The following ATXN7L2 variants were observed in gnomAD, a reference collection of about 807,000 sequenced individuals.
The protein encoded by ATXN7L2 is ataxin-7-like protein 2.
Under a neutral mutation model 59.6 loss-of-function variants are expected in ATXN7L2, and 17 were observed. The observed-to-expected ratio is 0.29, with a 90% CI of 0.20 to 0.43. The LOEUF (loss-of-function observed/expected upper bound fraction) is 0.43. Ranked by LOEUF, ATXN7L2 falls within the 20% of genes least tolerant of loss-of-function variation. ATXN7L2 has a pLI of 1.00. For missense variants in ATXN7L2, 858 were observed against 1,008.9 expected (o/e 0.85, Z 2.03); for synonymous variants, 378 against 392.5 (o/e 0.96, Z 0.44).
chr1:109,485,234 C>CAGGGAGGGGGCGTCGAGG, intron 1 of ATXN7L2: 1 of 899,158 alleles, frequency 1.1e-6, no homozygotes, highest in Non-Finnish European at 1.3e-6. Context: ...TCCCAAGGGA[C>CAGGGAGGGGGCGTCGAGG]AGGGAGGGGG....
chr1:109,492,188 C>G, intron 10 of ATXN7L2: 1 of 885,882 alleles, frequency 1.1e-6, no homozygotes, highest in Non-Finnish European at 1.4e-6. Flanking sequence ...CACTTATGCA[C>G]ATGTGCCCAC....
chr1:109,490,908 T>G lies in ATXN7L2; in HGVS notation c.1455-14T>G. On this transcript the variant is annotated splice_polypyrimidine_tract_variant and intron_variant, in intron 9 of 10. Coordinates refer to ENST00000683729, the MANE Select transcript of ATXN7L2 (RefSeq NM_001350175.2). ...TTTCTTGGCAGTCACAGTGGGGCTT[T>G]CTTTTTGCTGCAGGAAGATCCCACC... The G allele has an allele frequency of 6.5e-7, 1 of 1,538,968 alleles. No individual in the cohort carries two copies. Among genetic ancestry groups the G allele is most frequent in the Non-Finnish European group, 8.7e-7 (1 of 1,142,894 alleles).
rs1557867874 is a variant in ATXN7L2 at position 109,486,257 on chromosome 1, C to A, written c.193+135C>A. On this transcript the variant is annotated intron_variant, in intron 2 of 10. Transcript: ENST00000683729. The surrounding 1 kb of genome is among the most constrained non-coding windows in gnomAD (Gnocchi z 4.3). Reference sequence around the variant, plus strand: ...CCTCATTTTGATAGGTCCGAGTCGGCCGGTTGTTCTGGCTCCTGTGACCTG... The same window carrying A: ...CCTCATTTTGATAGGTCCGAGTCGGACGGTTGTTCTGGCTCCTGTGACCTG... 31 of 1,359,844 alleles carry A rather than the reference C, an allele frequency of 2.3e-5. No individual in the cohort carries two copies. Among genetic ancestry groups the A allele is most frequent in the Non-Finnish European group, 2.9e-5 (30 of 1,024,702 alleles). 84.2% of individuals were successfully genotyped at this position (1,359,844 alleles called of 1,614,324 possible). A position where few individuals can be genotyped will look rare whatever the true frequency, so the allele number is the denominator to read the frequency against.
In ATXN7L2 at chr1:109,484,002, C is replaced by T. The variant is rs996765106; in HGVS notation, c.49C>T (p.Arg17Trp). 2.2e-6 allele frequency: 3 copies of T among 1,372,426 alleles called. No individual in the cohort carries two copies. Among genetic ancestry groups the T allele is most frequent in the Non-Finnish European group, 2.9e-6 (3 of 1,051,906 alleles). 85.0% of individuals were successfully genotyped at this position (1,372,426 alleles called of 1,614,324 possible). ...AAAAMAALER[R>W]VPSLDDFAGQ... Reference sequence around the variant, plus strand: ...GGCAGCAATGGCCGCTCTGGAGCGGCGGGTGCCGAGTCTCGATGACTTCGC... The same window carrying T: ...GGCAGCAATGGCCGCTCTGGAGCGGTGGGTGCCGAGTCTCGATGACTTCGC... Residue 17 changes from arginine to tryptophan, a missense_variant, in exon 1 of 11, where the codon CGG becomes TGG. By Grantham distance (101) the Arg-to-Trp change is moderately radical. Coordinates refer to ENST00000683729, the MANE Select transcript of ATXN7L2 (RefSeq NM_001350175.2).
At chr1:109,485,584 TAGC>T (rs1656526636) in intron 1 of ATXN7L2, 1 of 985,476 alleles carries the variant, frequency 1.0e-6, no homozygotes, top group Admixed American at 6.1e-5. Context: ...TGCCACATAG[TAGC>T]AGAAAGGACC....
chr1:109,491,311 G>A lies in ATXN7L2; in HGVS notation c.1844G>A (p.Arg615Gln), dbSNP rs1016972776. 4.3e-6 allele frequency: 7 copies of A among 1,614,146 alleles called. No homozygotes were observed. Among genetic ancestry groups the A allele is most frequent in the East Asian group, 2.2e-5 (1 of 44,898 alleles). Residue 615 changes from arginine (R) to glutamine (Q), a missense_variant, in exon 10 of 11, where the codon CGG becomes CAG. By Grantham distance (43) the Arg-to-Gln change is conservative (BLOSUM62 1). This residue lies in a region of ATXN7L2 where 734 missense variants were observed against 862.3 expected (regional missense o/e 0.85). Transcript: ENST00000683729. The surrounding 1 kb of genome is among the most constrained non-coding windows in gnomAD (Gnocchi z 4.1). ...KLSPGPTTLKRTCILEPTGKG... is the reference protein window; with the variant it reads ...KLSPGPTTLKQTCILEPTGKG... ...TCCCCTGGCCCTACCACTCTTAAAC[G>A]GACCTGCATCCTGGAGCCCACTGGA...
Position 109,490,002 on chromosome 1 carries a change from C to T in ATXN7L2, c.1206C>T (p.Phe402=), listed in dbSNP as rs746154752. 53 of 1,613,282 alleles carry T rather than the reference C, an allele frequency of 3.3e-5. No individual in the cohort carries two copies. Among genetic ancestry groups the T allele is most frequent in the Middle Eastern group, 1.6e-4 (1 of 6,068 alleles). Residue 402 remains phenylalanine (F), a synonymous_variant, in exon 8 of 11, where the codon TTC becomes TTT. Coordinates refer to ENST00000683729, the MANE Select transcript of ATXN7L2 (RefSeq NM_001350175.2). ...GTGGTGATGGGGACCCAGGCCTGTT[C>T]CCCTTCCCCATGCCCCGGGGTGGGA... ...PCGGDGDPGL[F]PFPMPRGGTQ... is the part of the protein sequence containing the mutation.
At position 109,483,914 on chromosome 1, in the gene ATXN7L2, G is replaced by A; in HGVS notation, c.-40G>A. ...GACGGGGCGAGGGGGAGGGGGCCGC[G>A]CGGCGGCGGCGCCAGGGCGGGCGCG... On this transcript the variant is annotated 5_prime_UTR_variant, in exon 1 of 11. Transcript: ENST00000683729. 1.4e-5 allele frequency: 16 copies of A among 1,155,198 alleles called. No individual in the cohort carries two copies. Among genetic ancestry groups the A allele is most frequent in the Non-Finnish European group, 1.7e-5 (16 of 938,058 alleles). The allele number at this position is 1,155,198 out of a possible 1,614,324, so 71.6% of individuals were successfully genotyped here. A position where few individuals can be genotyped will look rare whatever the true frequency, so the allele number is the denominator to read the frequency against.
rs1327257630 is a variant in ATXN7L2 at position 109,487,192 on chromosome 1, G to A, written c.484G>A (p.Glu162Lys). ...CCGGAGCCGTGGCCACCAGCCTCCT[G>A]AGAAGACCCAGAAGGACAACCTCTG... Reference protein sequence around the residue: ...GSRSRGHQPPEKTQKDNLCLF... With the variant: ...GSRSRGHQPPKKTQKDNLCLF... Residue 162 changes from glutamate (E) to lysine (K), a missense_variant, in exon 4 of 11, where the codon GAG becomes AAG. This residue lies in a region of ATXN7L2 where 734 missense variants were observed against 862.3 expected (regional missense o/e 0.85). Transcript: ENST00000683729. 2 of 1,579,720 alleles carry A rather than the reference G, an allele frequency of 1.3e-6. No individual in the cohort carries two copies. The highest frequency in any genetic ancestry group is 4.6e-5 in the East Asian group (2 of 43,864).
In ATXN7L2 at chr1:109,492,116, G is replaced by C. The variant is rs537770717; in HGVS notation, c.2250+399G>C. ...TGCCGAGCAGCAAGGTGGGTGGGCT[G>C]GTCTCACTGGTTTTTCCTCTGGGCA... is the stretch of plus-strand genomic sequence containing the variant. On this transcript the variant is annotated intron_variant, in intron 10 of 10. Transcript: ENST00000683729. 7.6e-6 allele frequency: 8 copies of C among 1,058,300 alleles called. No individual in the cohort carries two copies. In the South Asian group the frequency reaches 2.4e-4, roughly 32 times the overall value. The allele number at this position is 1,058,300 out of a possible 1,614,324, so 65.6% of individuals were successfully genotyped here.
At position 109,490,167 on chromosome 1, in the gene ATXN7L2, C is replaced by T. The variant is rs182037261; in HGVS notation, c.1332+39C>T. 248 of 1,568,646 alleles carry T rather than the reference C, an allele frequency of 1.6e-4. No homozygotes were observed. In the African/African-American group the frequency reaches 3.0e-3, roughly 19 times the overall value. ...ATAGGGGCCTATGGAGGGGGTGGCC[C>T]AGCACTCCTGGCCAACAACATGGGG... On this transcript the variant is annotated intron_variant, in intron 8 of 10. Transcript: ENST00000683729.
chr1:109,488,795 C>T lies in ATXN7L2; in HGVS notation c.880-52C>T. On this transcript the variant is annotated intron_variant, in intron 6 of 10. Transcript: ENST00000683729. This position sits in a 1 kb window ranked among gnomAD's most constrained non-coding sequence, Gnocchi z 5.0. Reference sequence around the variant, plus strand: ...GGCCAAAGCACCCTGCCGTCCCTCACCCCTTCTCAGTTCATACCTACTCCC... The same window carrying T: ...GGCCAAAGCACCCTGCCGTCCCTCATCCCTTCTCAGTTCATACCTACTCCC... 3.8e-6 allele frequency: 6 copies of T among 1,577,092 alleles called. No individual in the cohort carries two copies. Among genetic ancestry groups the T allele is most frequent in the Non-Finnish European group, 5.2e-6 (6 of 1,157,152 alleles).
chr1:109,484,424 C>G (rs1018792104), intron 1 of ATXN7L2, among the ~76,000 whole-genome samples: 2 of 152,138 alleles, frequency 1.3e-5, no homozygotes, highest in African/African-American at 4.8e-5. Context: ...CCGCAACAGT[C>G]CTCCACGTGT....
intron 1 of ATXN7L2, chr1:109,485,679 G>T: frequency 1.0e-6 from 1 of 996,794 alleles, no homozygotes; most frequent in Non-Finnish European, 1.2e-6. Context: ...GGGGAAGCAG[G>T]CCCAGAAAAG....
At chr1:109,484,176 C>T (rs1656396790) in intron 1 of ATXN7L2, 96 bp downstream of exon 1, 3 of 1,185,378 alleles carry the variant, frequency 2.5e-6, no homozygotes, top group African/African-American at 3.2e-5. Flanking sequence ...CGACTGGAGC[C>T]GCCGTCCGGC....
At position 109,491,005 on chromosome 1, in the gene ATXN7L2, C is replaced by A. The variant is rs751419742; in HGVS notation, c.1538C>A (p.Thr513Asn). ...CCCCTGAGCCCATCCTCTACAGGCACCTGCCCCCGCCTTCCAGGTCCAACC... is the reference window on the plus strand; with the variant it reads ...CCCCTGAGCCCATCCTCTACAGGCAACTGCCCCCGCCTTCCAGGTCCAACC... ...SAPLSPSSTG[T>N]CPRLPGPTLR... The change falls in exon 10 of 11, where the codon ACC becomes AAC. Residue 513 changes from threonine to asparagine, a missense_variant. Around this residue, in one of 3 missense-constraint regions of ATXN7L2, gnomAD observed 734 missense variants for 862.3 expected, o/e 0.85. Transcript: ENST00000683729. This position sits in a 1 kb window ranked among gnomAD's most constrained non-coding sequence, Gnocchi z 4.1. The A allele has an allele frequency of 8.1e-6, 13 of 1,613,254 alleles. No homozygotes were observed. Among genetic ancestry groups the A allele is most frequent in the Non-Finnish European group, 1.1e-5 (13 of 1,179,808 alleles).
Position 109,491,692 on chromosome 1 carries a change from T to C in ATXN7L2, c.2225T>C (p.Phe742Ser). Residue 742 changes from phenylalanine to serine, a missense_variant, in exon 10 of 11, where the codon TTT becomes TCT. Transcript: ENST00000683729. The surrounding 1 kb of genome is among the most constrained non-coding windows in gnomAD (Gnocchi z 4.1). ...AAGAAGCCAGGCCCGGCCCTGGCCT[T>C]TGAGGAGAAGTGCTCTACACTGAAG... is the stretch of plus-strand genomic sequence containing the variant. ...RRKKPGPALA[F>S]EEKCSTLKSK... 1 of 1,606,254 alleles carries C rather than the reference T, an allele frequency of 6.2e-7. No homozygotes were observed.
chr1:109,485,214 A>AT (rs200162526), intron 1 of ATXN7L2: 3,538 of 816,726 alleles, frequency 4.3e-3, no homozygotes, highest in Non-Finnish European at 4.5e-3. Flanking sequence ...CTCAGAATTG[A>AT]TTTTTTTTTT....
rs776654645 is a variant in ATXN7L2, at chr1:109,490,979, T to C, written c.1512T>C (p.Ala504=). The part of the protein sequence containing the change: ...PAHLVNSPLS[A]PLSPSSTGTC... ...ACCTTGTCAACTCCCCGTTATCTGC[T>C]CCCCTGAGCCCATCCTCTACAGGCA... The change falls in exon 10 of 11, where the codon GCT becomes GCC. Residue 504 remains alanine, a synonymous_variant. Coordinates refer to ENST00000683729, the MANE Select transcript of ATXN7L2 (RefSeq NM_001350175.2). The C allele has an allele frequency of 2.5e-6, 4 of 1,601,802 alleles. No individual in the cohort carries two copies. The highest frequency in any genetic ancestry group is 4.5e-5 in the East Asian group (2 of 44,680).
Sources: gnomAD v4.1 joint callset for allele counts (sites outside exome capture counted in the v4.1 genomes callset) on GRCh38, gnomAD v4.1.1 for gene constraint, gnomAD v4.1.1 regional missense constraint, Gnocchi (gnomAD v3.1) non-coding constraint, MANE v1.5 for transcripts, NCBI Gene and HGNC (gene_info 2026-07-23, HGNC 2026-07-21) for gene names.